LDLRAD3: variants seen among roughly 807,000 people sequenced by gnomAD.
The protein encoded by LDLRAD3 is low-density lipoprotein receptor class A domain-containing protein 3.
LDLRAD3 carries 20 observed loss-of-function variants against 29.4 expected under a neutral mutation model. The ratio of observed to expected loss-of-function variants is 0.68; its 90% CI spans 0.48 to 0.99. The LOEUF (loss-of-function observed/expected upper bound fraction) is 0.99, where lower values mean the gene tolerates loss of function less well. Among genes scored for constraint, LDLRAD3 ranks in the 50% least tolerant of loss-of-function variants. LDLRAD3 has a pLI of 0.00. For missense variants in LDLRAD3, 420 were observed against 454.3 expected (o/e 0.92, Z 0.69); for synonymous variants, 157 against 192.7 (o/e 0.81, Z 1.53).
intron 4 of LDLRAD3, among the ~76,000 whole-genome samples, chr11:36,134,813 G>A (rs967433241): frequency 3.9e-4 from 59 of 152,218 alleles, no homozygotes; most frequent in African/African-American, 1.4e-3. Context: ...TCTGCAGCAG[G>A]AAGAATAGCT....
chr11:36,029,950 G>A (rs1464613979), intron 1 of LDLRAD3, among the ~76,000 whole-genome samples: 1 of 152,172 alleles, frequency 6.6e-6, no homozygotes, highest in Non-Finnish European at 1.5e-5. Flanking sequence ...AGGGTCATAG[G>A]CAGTGTAAAT....
intron 1 of LDLRAD3, among the ~76,000 whole-genome samples, chr11:35,995,629 A>G (rs1010713310): frequency 6.6e-6 from 1 of 152,222 alleles, no homozygotes; most frequent in African/African-American, 2.4e-5. Context: ...TCTAGATATG[A>G]AAGTCCTGGA....
At chr11:36,149,572 G>C (rs1057415243) in intron 4 of LDLRAD3, among the ~76,000 whole-genome samples, 34 of 152,220 alleles carry the variant, frequency 2.2e-4, no homozygotes, top group African/African-American at 8.0e-4. Context: ...GAGGGAGTTT[G>C]AATCTGTTCG....
chr11:36,073,520 C>G (rs1315885031), intron 2 of LDLRAD3, among the ~76,000 whole-genome samples: 2 of 152,262 alleles, frequency 1.3e-5, no homozygotes, highest in South Asian at 2.1e-4. Context: ...CCAGGACCCC[C>G]CTTCCCCACA....
At chr11:35,954,075 C>G (rs950540399) in intron 1 of LDLRAD3, among the ~76,000 whole-genome samples, 22 of 152,150 alleles carry the variant, frequency 1.4e-4, no homozygotes, top group African/African-American at 5.3e-4. Flanking sequence ...TCGGTGGATC[C>G]TATGAAGGGC....
rs1163230622 is a variant in LDLRAD3 at position 36,227,194 on chromosome 11, C to T, written c.564C>T (p.Ala188=). The T allele has an allele frequency of 1.2e-6, 2 of 1,614,100 alleles. No individual in the cohort carries two copies. Among genetic ancestry groups the T allele is most frequent in the South Asian group, 2.2e-5 (2 of 91,080 alleles). ...CCGTCATTTTTGTGCTGGTGGTGGC[C>T]CTGCTGGCACTGGTCTTGCACCACC... ...GSSVIFVLVV[A]LLALVLHHQR... Residue 188 remains alanine (A), a synonymous_variant, in exon 5 of 6, where the codon GCC becomes GCT. Transcript: ENST00000315571.
chr11:36,109,020 TG>T (rs1404349284), intron 4 of LDLRAD3, among the ~76,000 whole-genome samples: 1 of 142,974 alleles, frequency 7.0e-6, no homozygotes, highest in Non-Finnish European at 1.5e-5. Context: ...AGGAGGATGG[TG>T]GAGGATGGTG....
intron 4 of LDLRAD3, among the ~76,000 whole-genome samples, chr11:36,170,343 T>TATATATAC (rs913324482): frequency 1.3e-5 from 2 of 150,330 alleles, no homozygotes; most frequent in African/African-American, 4.9e-5. Flanking sequence ...CGTATATACG[T>TATATATAC]ATATATACAT....
intron 1 of LDLRAD3, among the ~76,000 whole-genome samples, chr11:35,948,835 A>C (rs144764573): frequency 6.6e-6 from 1 of 151,970 alleles, no homozygotes; most frequent in Non-Finnish European, 1.5e-5. Context: ...TGTCCTGTGC[A>C]TTGCGGGATG....
intron 4 of LDLRAD3, among the ~76,000 whole-genome samples, chr11:36,159,864 G>A (rs1201678736): frequency 2.0e-5 from 3 of 152,204 alleles, no homozygotes; most frequent in Admixed American, 6.5e-5. Flanking sequence ...GGGCCAGGAC[G>A]GTTCCTTCCT....
rs1294503265 is a variant in LDLRAD3 at position 36,060,246 on chromosome 11, C to T, written c.194-21407C>T. On this transcript the variant is annotated intron_variant, in intron 2 of 5. Transcript: ENST00000315571. The stretch of plus-strand genomic sequence containing the variant: ...GTGGGCACCTGTAATCCCAGCTACT[C>T]GGGAGGCTGAGACAGGAGAATGGCG... Among the ~76,000 whole-genome samples, 7 of 150,300 alleles carry T rather than the reference C, an allele frequency of 4.7e-5. No individual in the cohort carries two copies. In the East Asian group the frequency reaches 5.9e-4, roughly 13 times the overall value.
At chr11:36,092,516 C>T (rs932275976) in intron 3 of LDLRAD3, among the ~76,000 whole-genome samples, 1 of 152,108 alleles carries the variant, frequency 6.6e-6, no homozygotes, top group Non-Finnish European at 1.5e-5. Flanking sequence ...CTTTATCTTC[C>T]TCCCTTCCCC....
chr11:36,065,098 A>G (rs929559695), intron 2 of LDLRAD3, among the ~76,000 whole-genome samples: 1 of 152,164 alleles, frequency 6.6e-6, no homozygotes, highest in African/African-American at 2.4e-5. Context: ...TCTATCCATT[A>G]TTGAAGATGG....
intron 4 of LDLRAD3, among the ~76,000 whole-genome samples, chr11:36,125,376 C>T (rs1565240592): frequency 6.6e-6 from 1 of 152,100 alleles, no homozygotes; most frequent in Non-Finnish European, 1.5e-5. Flanking sequence ...TTTTCTCTGC[C>T]TGTAAAATAG....
chr11:35,981,513 T>A (rs1851541361), intron 1 of LDLRAD3, among the ~76,000 whole-genome samples: 1 of 152,234 alleles, frequency 6.6e-6, no homozygotes, highest in Admixed American at 6.5e-5. Context: ...ATATCTCAGA[T>A]TCTGATAGCT....
intron 1 of LDLRAD3, among the ~76,000 whole-genome samples, chr11:35,992,002 G>A (rs1334344140): frequency 3.3e-5 from 5 of 152,076 alleles, no homozygotes; most frequent in African/African-American, 1.2e-4. Flanking sequence ...TTACATCTTG[G>A]AATGGGAGTT....
intron 2 of LDLRAD3, among the ~76,000 whole-genome samples, chr11:36,053,269 A>G (rs1215216709): frequency 6.6e-6 from 1 of 152,048 alleles, no homozygotes; most frequent in African/African-American, 2.4e-5. Context: ...TCTCATTTTG[A>G]CATCTGTGAT....
At chr11:36,204,707 T>C (rs1462044269) in intron 4 of LDLRAD3, among the ~76,000 whole-genome samples, 1 of 152,200 alleles carries the variant, frequency 6.6e-6, no homozygotes, top group Non-Finnish European at 1.5e-5. Flanking sequence ...CAGGCTGGTC[T>C]TGAACTCCTG....
chr11:36,149,847 A>G (rs2133326343), intron 4 of LDLRAD3, among the ~76,000 whole-genome samples: 1 of 152,170 alleles, frequency 6.6e-6, no homozygotes, highest in African/African-American at 2.4e-5. Flanking sequence ...ATGACTCATG[A>G]ATGTGTTCCT....
Sources: allele counts gnomAD v4.1 joint callset (sites outside exome capture counted in the v4.1 genomes callset), GRCh38; gene constraint gnomAD v4.1.1; transcripts MANE v1.5; gene names NCBI Gene and HGNC (gene_info 2026-07-23, HGNC 2026-07-21).